Variants in PIK3CG observed in about 807,000 individuals in gnomAD.
The protein encoded by PIK3CG is phosphatidylinositol-4,5-bisphosphate 3-kinase catalytic subunit gamma, also known as phosphatidylinositol 4,5-bisphosphate 3-kinase catalytic subunit gamma isoform.
A neutral mutation model predicts 102.3 loss-of-function variants in PIK3CG; 55 were observed. That is an observed-to-expected ratio of 0.54 (90% CI 0.43 to 0.67). The LOEUF (loss-of-function observed/expected upper bound fraction) is 0.67. Among genes scored for constraint, PIK3CG ranks in the 30% least tolerant of loss-of-function variants. The probability of loss-of-function intolerance (pLI) is 0.00; values close to 1 mark genes in which losing one functional copy is unlikely to be tolerated. For synonymous variants in PIK3CG, 552 were observed against 540.0 expected (o/e 1.02, Z -0.31); for missense variants, 1,258 against 1,391.8 (o/e 0.90, Z 1.53).
intron 1 of PIK3CG, among the ~76,000 whole-genome samples, chr7:106,866,215 G>A (rs936520274): frequency 6.6e-6 from 1 of 152,182 alleles, no homozygotes; most frequent in Non-Finnish European, 1.5e-5. Context: ...TTATTTAAGA[G>A]AGTAAACGAT....
Position 106,874,624 on chromosome 7 carries a change from T to G in PIK3CG, c.2288-76T>G, listed in dbSNP as rs1790657813. The G allele has an allele frequency of 1.0e-6, 1 of 983,900 alleles. No individual in the cohort carries two copies. The highest frequency in any genetic ancestry group is 1.6e-5 in the African/African-American group (1 of 62,012). The allele number at this position is 983,900 out of a possible 1,614,324, so 60.9% of individuals were successfully genotyped here. Reference sequence around the variant, plus strand: ...ATATAGAATGCTATGAATAAATGTGTTCTCAGGAAATGTAATAGATAATAT... The same window carrying G: ...ATATAGAATGCTATGAATAAATGTGGTCTCAGGAAATGTAATAGATAATAT... On this transcript the variant is annotated intron_variant, in intron 4 of 10. Transcript: ENST00000496166. This position sits in a 1 kb window ranked among gnomAD's most constrained non-coding sequence, Gnocchi z 4.3.
In PIK3CG at chr7:106,890,208, GTCTC is replaced by G. The variant is rs1190041290; in HGVS notation, c.3030+3922_3030+3925del. ...GTTGTTTTGTTTTGTTTGAGACGGA[GTCTC>G]TCTCTGTTGCCCAGGCTGGAATGCA... is the stretch of plus-strand genomic sequence containing the variant. On this transcript the variant is annotated intron_variant, in intron 10 of 10. Coordinates refer to ENST00000496166, the MANE Select transcript of PIK3CG (RefSeq NM_001282426.2). This position sits in a 1 kb window ranked among gnomAD's most constrained non-coding sequence, Gnocchi z 4.2. Among the ~76,000 whole-genome samples the G allele has an allele frequency of 6.6e-6, 1 of 152,212 alleles. No individual in the cohort carries two copies. The highest frequency in any genetic ancestry group is 1.9e-4 in the East Asian group (1 of 5,202).
At chr7:106,900,390 T>C (rs1053839618) in intron 10 of PIK3CG, among the ~76,000 whole-genome samples, 1 of 152,196 alleles carries the variant, frequency 6.6e-6, no homozygotes, top group Non-Finnish European at 1.5e-5. Context: ...CCTGCTTTTT[T>C]TCTGTTTTCT....
intron 5 of PIK3CG, among the ~76,000 whole-genome samples, chr7:106,876,414 CAG>C (rs1434491607): frequency 6.9e-6 from 1 of 144,440 alleles, no homozygotes; most frequent in Admixed American, 7.0e-5. Flanking sequence ...TTTTTTGAGA[CAG>C]AGTCTCGCTC....
intron 10 of PIK3CG, among the ~76,000 whole-genome samples, chr7:106,887,723 T>G (rs1791140349): frequency 6.6e-6 from 1 of 152,108 alleles, no homozygotes; most frequent in African/African-American, 2.4e-5. Context: ...ATCACATGTT[T>G]TGACAACTTC....
Position 106,867,783 on chromosome 7 carries a change from G to C in PIK3CG, c.222G>C (p.Val74=), listed in dbSNP as rs2116421829. 6.2e-7 allele frequency: 1 copy of C among 1,612,798 alleles called. No individual in the cohort carries two copies. The highest frequency in any genetic ancestry group is 8.5e-7 in the Non-Finnish European group (1 of 1,179,916). Residue 74 remains valine, a synonymous_variant, in exon 2 of 11, where the codon GTG becomes GTC. Transcript: ENST00000496166. The surrounding 1 kb of genome is among the most constrained non-coding windows in gnomAD (Gnocchi z 5.1). ...HGNVEQMKAQ[V]WLRALETSVA... The stretch of plus-strand genomic sequence containing the variant: ...ACGTGGAGCAGATGAAGGCCCAGGT[G>C]TGGCTGCGAGCGCTGGAGACCAGCG...
At position 106,906,390 on chromosome 7, in the gene PIK3CG, A is replaced by G. The variant is rs1322633952; in HGVS notation, c.*1003A>G. 6 of 230,140 alleles carry G rather than the reference A, an allele frequency of 2.6e-5. No homozygotes were observed. Among genetic ancestry groups the G allele is most frequent in the African/African-American group, 1.3e-4 (6 of 45,176 alleles). The allele number at this position is 230,140 out of a possible 1,614,324, so 14.3% of individuals were successfully genotyped here. ...TCTTATTAAAGGAGGCATTCTAGAA[A>G]ATATGAATTAGTTTCCAAATGCCTT... On this transcript the variant is annotated 3_prime_UTR_variant, in exon 11 of 11. Coordinates refer to ENST00000496166, the MANE Select transcript of PIK3CG (RefSeq NM_001282426.2).
intron 10 of PIK3CG, 30 bp downstream of exon 10, chr7:106,886,322 A>G: frequency 6.2e-7 from 1 of 1,604,932 alleles, no homozygotes. Flanking sequence ...GCCTGCTGAG[A>G]ATAGCACCGA....
Position 106,869,696 on chromosome 7 carries a change from C to A in PIK3CG, c.1995+140C>A. 1 of 709,076 alleles carries A rather than the reference C, an allele frequency of 1.4e-6. No individual in the cohort carries two copies. Among genetic ancestry groups the A allele is most frequent in the Non-Finnish European group, 2.3e-6 (1 of 432,548 alleles). The allele number at this position is 709,076 out of a possible 1,614,324, so 43.9% of individuals were successfully genotyped here. A position where few individuals can be genotyped will look rare whatever the true frequency, so the allele number is the denominator to read the frequency against. On this transcript the variant is annotated intron_variant, in intron 2 of 10. Coordinates refer to ENST00000496166, the MANE Select transcript of PIK3CG (RefSeq NM_001282426.2). This position sits in a 1 kb window ranked among gnomAD's most constrained non-coding sequence, Gnocchi z 5.3. ...GCAAAAGTAGATATGATGAAGCTGCCTCAAAAAGTAGTAAACTGTTCCATG... is the reference window on the plus strand; with the variant it reads ...GCAAAAGTAGATATGATGAAGCTGCATCAAAAAGTAGTAAACTGTTCCATG...
chr7:106,882,861 C>T, intron 7 of PIK3CG, 172 bp from the exon 8 acceptor site: 1 of 528,200 alleles, frequency 1.9e-6, no homozygotes, highest in Admixed American at 3.0e-5. Flanking sequence ...TCCTTCTTTC[C>T]TTTCTATTCC....
Position 106,894,295 on chromosome 7 carries a change from G to T in PIK3CG, c.3030+8003G>T, listed in dbSNP as rs1791347296. On this transcript the variant is annotated intron_variant, in intron 10 of 10. Coordinates refer to ENST00000496166, the MANE Select transcript of PIK3CG (RefSeq NM_001282426.2). The surrounding 1 kb of genome is among the most constrained non-coding windows in gnomAD (Gnocchi z 4.4). ...ACACACCCCTACGTGCACGCTATCA[G>T]AATATTGACTAAAGTAGAATAGCTT... Among the ~76,000 whole-genome samples the T allele has an allele frequency of 6.6e-6, 1 of 152,014 alleles. No individual in the cohort carries two copies. Among genetic ancestry groups the T allele is most frequent in the Non-Finnish European group, 1.5e-5 (1 of 67,988 alleles).
chr7:106,892,347 T>C lies in PIK3CG; in HGVS notation c.3030+6055T>C, dbSNP rs1187127366. Reference sequence around the variant, plus strand: ...TATAGTTACCAGGCCTTATTCACCATATCCAAAATAGGACACTAATTCAAC... The same window carrying C: ...TATAGTTACCAGGCCTTATTCACCACATCCAAAATAGGACACTAATTCAAC... On this transcript the variant is annotated intron_variant, in intron 10 of 10. Transcript: ENST00000496166. This position sits in a 1 kb window ranked among gnomAD's most constrained non-coding sequence, Gnocchi z 5.2. 1.3e-5 allele frequency among the ~76,000 whole-genome samples: 2 copies of C among 152,324 alleles called. No individual in the cohort carries two copies. Among genetic ancestry groups the C allele is most frequent in the East Asian group, 3.9e-4 (2 of 5,184 alleles).
Position 106,868,599 on chromosome 7 carries a change from C to A in PIK3CG, c.1038C>A (p.His346Gln), listed in dbSNP as rs1347128467. 1 of 1,614,200 alleles carries A rather than the reference C, an allele frequency of 6.2e-7. No homozygotes were observed. Among genetic ancestry groups the A allele is most frequent in the Non-Finnish European group, 8.5e-7 (1 of 1,180,040 alleles). ...AGCTTACCATCCACGGCAAGGACCACGAGAGTGTGTTCACCGTGTCCCTGT... is the reference window on the plus strand; with the variant it reads ...AGCTTACCATCCACGGCAAGGACCAAGAGAGTGTGTTCACCGTGTCCCTGT... ...HEQLTIHGKDHESVFTVSLWD... is the reference protein window; with the variant it reads ...HEQLTIHGKDQESVFTVSLWD... Residue 346 changes from histidine (H) to glutamine (Q), a missense_variant, in exon 2 of 11, where the codon CAC becomes CAA. By Grantham distance (24) the His-to-Gln change is conservative. Coordinates refer to ENST00000496166, the MANE Select transcript of PIK3CG (RefSeq NM_001282426.2). This position sits in a 1 kb window ranked among gnomAD's most constrained non-coding sequence, Gnocchi z 6.2.
Position 106,887,431 on chromosome 7 carries a change from T to C in PIK3CG, c.3030+1139T>C, listed in dbSNP as rs553026944. Among the ~76,000 whole-genome samples, 6 of 152,302 alleles carry C rather than the reference T, an allele frequency of 3.9e-5. No homozygotes were observed. In the South Asian group the frequency reaches 1.0e-3, roughly 26 times the overall value. On this transcript the variant is annotated intron_variant, in intron 10 of 10. Coordinates refer to ENST00000496166, the MANE Select transcript of PIK3CG (RefSeq NM_001282426.2). ...TCTCTTCTTGAGTCCAAGGTTACCC[T>C]TGGGAGACGACATGACCCTTGAAGT...
rs533244606 is a variant in PIK3CG at position 106,867,067 on chromosome 7, G to T, written c.-12-483G>T. On this transcript the variant is annotated intron_variant, in intron 1 of 10. Transcript: ENST00000496166. The surrounding 1 kb of genome is among the most constrained non-coding windows in gnomAD (Gnocchi z 5.1). ...GTAAACTGGGACTTGAACCTTAACT[G>T]TACTATTTTAGTAATCTATATGTTT... is the stretch of plus-strand genomic sequence containing the variant. Among the ~76,000 whole-genome samples the T allele has an allele frequency of 6.6e-6, 1 of 152,200 alleles. No individual in the cohort carries two copies. Among genetic ancestry groups the T allele is most frequent in the South Asian group, 2.1e-4 (1 of 4,824 alleles).
intron 10 of PIK3CG, among the ~76,000 whole-genome samples, chr7:106,900,736 T>C (rs1791526679): frequency 6.6e-6 from 1 of 152,262 alleles, no homozygotes. Context: ...TCAAGGTCTC[T>C]TGTAAGGCAG....
intron 5 of PIK3CG, among the ~76,000 whole-genome samples, chr7:106,876,314 A>G (rs1790737022): frequency 6.6e-6 from 1 of 151,708 alleles, no homozygotes; most frequent in Non-Finnish European, 1.5e-5. Context: ...GTGTCTTTCT[A>G]TGTGCTCATT....
At chr7:106,888,259 A>AT (rs1378019301) in intron 10 of PIK3CG, among the ~76,000 whole-genome samples, 2 of 151,780 alleles carry the variant, frequency 1.3e-5, no homozygotes, top group East Asian at 3.9e-4. Context: ...CTTTTTGTAT[A>AT]TATGTTATCT....
chr7:106,903,482 T>C lies in PIK3CG; in HGVS notation c.3031-1627T>C, dbSNP rs899763531. On this transcript the variant is annotated intron_variant, in intron 10 of 10. Coordinates refer to ENST00000496166, the MANE Select transcript of PIK3CG (RefSeq NM_001282426.2). This position sits in a 1 kb window ranked among gnomAD's most constrained non-coding sequence, Gnocchi z 4.3. ...TATAATTTTTTAAGAGTATAAAAAT[T>C]ATAAATTATAAAAATTATAAAAGCA... Among the ~76,000 whole-genome samples the C allele has an allele frequency of 2.6e-5, 4 of 151,840 alleles. No homozygotes were observed. Among genetic ancestry groups the C allele is most frequent in the Non-Finnish European group, 5.9e-5 (4 of 67,938 alleles).
Sources: allele counts gnomAD v4.1 joint callset (sites outside exome capture counted in the v4.1 genomes callset), GRCh38; gene constraint gnomAD v4.1.1; non-coding constraint Gnocchi (gnomAD v3.1); transcripts MANE v1.5; gene names NCBI Gene and HGNC (gene_info 2026-07-23, HGNC 2026-07-21).